ATRNL1: variants seen among roughly 807,000 people sequenced by gnomAD.
ATRNL1 encodes attractin-like protein 1.
In ATRNL1, 95 loss-of-function variants were observed where a neutral mutation model predicts 182.7. The ratio of observed to expected loss-of-function variants is 0.52; its 90% CI spans 0.44 to 0.62. ATRNL1 has a LOEUF of 0.62. ATRNL1 is among the 20% of genes least tolerant of loss of function. The pLI is 0.00. For synonymous variants in ATRNL1, 576 were observed against 568.3 expected (o/e 1.01, Z -0.19); for missense variants, 1,471 against 1,679.5 (o/e 0.88, Z 2.17).
At chr10:115,239,216 T>C (rs1279927796) in intron 9 of ATRNL1, among the ~76,000 whole-genome samples, 1 of 152,038 alleles carries the variant, frequency 6.6e-6, no homozygotes, top group African/African-American at 2.4e-5. Flanking sequence ...AATTAGAGAC[T>C]AGAGATTATT....
intron 27 of ATRNL1, among the ~76,000 whole-genome samples, chr10:115,754,487 G>A (rs1230002587): frequency 3.3e-5 from 5 of 152,128 alleles, no homozygotes; most frequent in African/African-American, 1.2e-4. Flanking sequence ...GGTTGTAGAT[G>A]TGTGGTGTTA....
chr10:115,587,587 C>T lies in ATRNL1; in HGVS notation c.3795+38051C>T, dbSNP rs140626856. On this transcript the variant is annotated intron_variant, in intron 26 of 28. Coordinates refer to ENST00000355044, the MANE Select transcript of ATRNL1 (RefSeq NM_207303.4). ...GAACTCCCTGACCCCTTGCGCTTCCCGAGTGAGGCAATGCCTCGCCCGCTT... is the reference window on the plus strand; with the variant it reads ...GAACTCCCTGACCCCTTGCGCTTCCTGAGTGAGGCAATGCCTCGCCCGCTT... 0.023 allele frequency among the ~76,000 whole-genome samples: 2,947 copies of T among 126,534 alleles called. 70 individuals are homozygous for T. The East Asian group carries it at 0.24, about 10-fold the overall frequency. 83.0% of individuals were successfully genotyped at this position (126,534 alleles called of 152,430 possible). A position where few individuals can be genotyped will look rare whatever the true frequency, so the allele number is the denominator to read the frequency against.
chr10:115,368,809 G>T (rs1857223115), intron 19 of ATRNL1, among the ~76,000 whole-genome samples: 2 of 151,822 alleles, frequency 1.3e-5, no homozygotes, highest in Non-Finnish European at 2.9e-5. Flanking sequence ...CGCCTCCTGG[G>T]TTCAAGTGAT....
intron 26 of ATRNL1, among the ~76,000 whole-genome samples, chr10:115,581,969 C>T (rs1333092983): frequency 6.9e-6 from 1 of 145,162 alleles, no homozygotes; most frequent in Admixed American, 7.2e-5. Flanking sequence ...TGTTCAATTC[C>T]CACCTATGAG....
At chr10:115,401,766 G>T (rs1351904694) in intron 20 of ATRNL1, among the ~76,000 whole-genome samples, 3 of 152,110 alleles carry the variant, frequency 2.0e-5, no homozygotes, top group Non-Finnish European at 4.4e-5. Context: ...AAGTCATGTT[G>T]TAGACCTCTG....
At chr10:115,614,848 G>A (rs376715444) in intron 26 of ATRNL1, among the ~76,000 whole-genome samples, 1 of 151,986 alleles carries the variant, frequency 6.6e-6, no homozygotes, top group Non-Finnish European at 1.5e-5. Flanking sequence ...CTCCTGCATG[G>A]TTTTGTTTTC....
At chr10:115,738,307 T>G (rs780517500) in intron 27 of ATRNL1, among the ~76,000 whole-genome samples, 10 of 151,350 alleles carry the variant, frequency 6.6e-5, no homozygotes, top group Non-Finnish European at 1.3e-4. Context: ...GCCCAGCTAA[T>G]TTTTATATGT....
At chr10:115,741,798 T>C (rs1948146960) in intron 27 of ATRNL1, among the ~76,000 whole-genome samples, 2 of 152,192 alleles carry the variant, frequency 1.3e-5, no homozygotes, top group African/African-American at 4.8e-5. Context: ...GGTTGGGTCT[T>C]CTTCATATGT....
chr10:115,154,444 G>T (rs1481066579), intron 5 of ATRNL1, among the ~76,000 whole-genome samples: 1 of 152,072 alleles, frequency 6.6e-6, no homozygotes, highest in Non-Finnish European at 1.5e-5. Flanking sequence ...TTGTTGAATT[G>T]ATCCCTTTAC....
At chr10:115,129,288 T>A in intron 4 of ATRNL1, 39 bp from the exon 5 acceptor site, 1 of 1,533,334 alleles carries the variant, frequency 6.5e-7, no homozygotes, top group African/African-American at 1.4e-5. Flanking sequence ...TCTTTTTCAA[T>A]TACCTTGAAT....
chr10:115,693,570 T>C (rs1425300209), intron 26 of ATRNL1, among the ~76,000 whole-genome samples: 1 of 152,086 alleles, frequency 6.6e-6, no homozygotes, highest in Non-Finnish European at 1.5e-5. Context: ...AAATGCCTCA[T>C]TAGACAAGTT....
At chr10:115,369,294 G>T (rs1303085950) in intron 19 of ATRNL1, among the ~76,000 whole-genome samples, 5 of 150,378 alleles carry the variant, frequency 3.3e-5, no homozygotes, top group Admixed American at 6.6e-5. Flanking sequence ...GAAGGGGATT[G>T]GGGTTCTGTG....
At chr10:115,136,557 T>C (rs1845522624) in intron 5 of ATRNL1, among the ~76,000 whole-genome samples, 1 of 152,206 alleles carries the variant, frequency 6.6e-6, no homozygotes, top group South Asian at 2.1e-4. Context: ...ATCAACAGAA[T>C]AGTTTTTTTA....
At chr10:115,367,874 C>T (rs1484934032) in intron 19 of ATRNL1, among the ~76,000 whole-genome samples, 2 of 148,342 alleles carry the variant, frequency 1.3e-5, no homozygotes, top group East Asian at 2.0e-4. Context: ...GCAGTCTGCC[C>T]GTTCTCAGAT....
intron 8 of ATRNL1, among the ~76,000 whole-genome samples, chr10:115,185,858 C>T (rs898656632): frequency 1.3e-5 from 2 of 151,950 alleles, no homozygotes; most frequent in African/African-American, 4.8e-5. Context: ...CACTGTGTGC[C>T]TTTGTATATA....
intron 26 of ATRNL1, among the ~76,000 whole-genome samples, chr10:115,651,680 T>TA (rs1477310240): frequency 6.6e-6 from 1 of 152,116 alleles, no homozygotes; most frequent in African/African-American, 2.4e-5. Flanking sequence ...TACGAGAAAT[T>TA]AGAGAGGGGG....
intron 27 of ATRNL1, among the ~76,000 whole-genome samples, chr10:115,845,167 T>C (rs1950899124): frequency 6.6e-6 from 1 of 152,152 alleles, no homozygotes; most frequent in Non-Finnish European, 1.5e-5. Flanking sequence ...TTTTTGCTAA[T>C]ATCCTTTTAT....
rs549854021 is a variant in ATRNL1, at chr10:115,565,717, A to G, written c.3795+16181A>G. Among the ~76,000 whole-genome samples the G allele has an allele frequency of 5.9e-5, 9 of 152,210 alleles. No homozygotes were observed. The South Asian group carries it at 1.9e-3, about 32-fold the overall frequency. The stretch of plus-strand genomic sequence containing the variant: ...CTTGGTAAGTATTTTCAATCAAACT[A>G]TGTAAGATTATAATTAAAAACTTTA... On this transcript the variant is annotated intron_variant, in intron 26 of 28. Coordinates refer to ENST00000355044, the MANE Select transcript of ATRNL1 (RefSeq NM_207303.4).
At chr10:115,168,754 G>A (rs1236884206) in intron 7 of ATRNL1, among the ~76,000 whole-genome samples, 3 of 151,896 alleles carry the variant, frequency 2.0e-5, no homozygotes, top group African/African-American at 7.3e-5. Flanking sequence ...CCCATTTCGT[G>A]TGCTGTTTTC....
Sources: gnomAD v4.1 joint callset for allele counts (sites outside exome capture counted in the v4.1 genomes callset) on GRCh38, gnomAD v4.1.1 for gene constraint, MANE v1.5 for transcripts, NCBI Gene and HGNC (gene_info 2026-07-23, HGNC 2026-07-21) for gene names.